The following GPATCH2 variants were observed in gnomAD, a reference collection of about 807,000 sequenced individuals.
The protein encoded by GPATCH2 is G patch domain-containing protein 2.
A neutral mutation model predicts 58.0 loss-of-function variants in GPATCH2; 51 were observed. The observed-to-expected ratio is 0.88, with a 90% CI of 0.70 to 1.11. GPATCH2 has a LOEUF of 1.11. Ranked by LOEUF, GPATCH2 falls within the 50% of genes most tolerant of loss-of-function variation. GPATCH2 has a pLI of 0.00. For missense variants in GPATCH2, 625 were observed against 652.2 expected (o/e 0.96, Z 0.45); for synonymous variants, 222 against 218.5 (o/e 1.02, Z -0.14).
At chr1:217,577,568 C>G (rs1243558257) in intron 5 of GPATCH2, among the ~76,000 whole-genome samples, 1 of 152,042 alleles carries the variant, frequency 6.6e-6, no homozygotes, top group African/African-American at 2.4e-5. Context: ...AAAATGTTAT[C>G]TCAATACATC....
intron 9 of GPATCH2, among the ~76,000 whole-genome samples, chr1:217,442,765 T>C (rs1014279506): frequency 4.6e-5 from 7 of 152,190 alleles, no homozygotes; most frequent in Non-Finnish European, 5.9e-5. Context: ...AAAAAGCATA[T>C]ACTGAGTTTT....
chr1:217,584,058 T>C (rs1278790484), intron 5 of GPATCH2, among the ~76,000 whole-genome samples: 3 of 151,858 alleles, frequency 2.0e-5, no homozygotes, highest in Non-Finnish European at 4.4e-5. Context: ...GACTGAAATA[T>C]AAGATGAAAG....
chr1:217,549,476 C>T (rs1253288422), intron 5 of GPATCH2, among the ~76,000 whole-genome samples: 1 of 152,046 alleles, frequency 6.6e-6, no homozygotes, highest in Non-Finnish European at 1.5e-5. Context: ...GATTAGTATC[C>T]CATGAGAAAA....
intron 5 of GPATCH2, chr1:217,608,930 G>A: frequency 3.1e-6 from 3 of 983,494 alleles, no homozygotes; most frequent in Non-Finnish European, 3.6e-6. Context: ...ACACATTCCT[G>A]TTTAATGCAT....
At chr1:217,557,998 AT>A (rs1052628682) in intron 5 of GPATCH2, among the ~76,000 whole-genome samples, 4 of 152,172 alleles carry the variant, frequency 2.6e-5, no homozygotes, top group African/African-American at 9.7e-5. Flanking sequence ...CAAACCATTA[AT>A]TTTTTTAACC....
chr1:217,479,291 G>T lies in GPATCH2; in HGVS notation c.1277+12389C>A, dbSNP rs1418434674. ...TACTCAAGTAGAAAGACTAAATGAT[G>T]AATGAATAAAAAATAATAACTACAA... On this transcript the variant is annotated intron_variant, in intron 8 of 9. Transcript: ENST00000366935. Among the ~76,000 whole-genome samples, 3 of 152,062 alleles carry T rather than the reference G, an allele frequency of 2.0e-5. No individual in the cohort carries two copies. The South Asian group carries it at 6.2e-4, about 31-fold the overall frequency.
intron 8 of GPATCH2, among the ~76,000 whole-genome samples, chr1:217,471,644 T>G (rs1660727101): frequency 6.6e-6 from 1 of 152,212 alleles, no homozygotes; most frequent in African/African-American, 2.4e-5. Flanking sequence ...TCTTTCTAAC[T>G]TGATGGAAGA....
intron 5 of GPATCH2, among the ~76,000 whole-genome samples, chr1:217,570,440 C>T (rs1266017916): frequency 3.3e-5 from 5 of 152,092 alleles, no homozygotes; most frequent in African/African-American, 7.2e-5. Context: ...AAGGGATATT[C>T]GTGTTTGTTC....
chr1:217,570,665 G>A (rs1414550468), intron 5 of GPATCH2, among the ~76,000 whole-genome samples: 1 of 152,120 alleles, frequency 6.6e-6, no homozygotes, highest in Non-Finnish European at 1.5e-5. Flanking sequence ...AAGCGATGGC[G>A]AGTGAAGGTA....
intron 5 of GPATCH2, among the ~76,000 whole-genome samples, chr1:217,534,374 A>AATTT (rs1664361659): frequency 6.6e-6 from 1 of 152,184 alleles, no homozygotes; most frequent in Non-Finnish European, 1.5e-5. Flanking sequence ...TCAAATCAGA[A>AATTT]ACACTAGACT....
intron 5 of GPATCH2, among the ~76,000 whole-genome samples, chr1:217,524,299 G>T (rs1260482110): frequency 0.016 from 1,972 of 123,636 alleles, no homozygotes; most frequent in African/African-American, 0.025. Context: ...TTCCTAGATG[G>T]GATGGCGGCT....
intron 5 of GPATCH2, among the ~76,000 whole-genome samples, chr1:217,521,035 G>C (rs990393929): frequency 6.6e-6 from 1 of 152,030 alleles, no homozygotes; most frequent in Non-Finnish European, 1.5e-5. Context: ...GTATAGAGCT[G>C]GGGTCCTGCT....
chr1:217,623,075 TG>T (rs1209264882), intron 1 of GPATCH2, among the ~76,000 whole-genome samples: 2 of 152,200 alleles, frequency 1.3e-5, no homozygotes, highest in Non-Finnish European at 2.9e-5. Flanking sequence ...AAAGACCTAT[TG>T]TCTCTGAATA....
intron 8 of GPATCH2, among the ~76,000 whole-genome samples, chr1:217,470,684 T>C (rs575553462): frequency 1.3e-5 from 2 of 152,158 alleles, no homozygotes; most frequent in Non-Finnish European, 2.9e-5. Context: ...TTTTATACAA[T>C]ACAATAATTT....
intron 5 of GPATCH2, among the ~76,000 whole-genome samples, chr1:217,568,338 A>G (rs902671746): frequency 2.0e-5 from 3 of 152,170 alleles, no homozygotes; most frequent in Non-Finnish European, 2.9e-5. Flanking sequence ...ACCGAGTACT[A>G]TGTGTCAGGC....
At chr1:217,590,269 G>A (rs552035707) in intron 5 of GPATCH2, among the ~76,000 whole-genome samples, 86 of 152,010 alleles carry the variant, frequency 5.7e-4, no homozygotes, top group Admixed American at 4.8e-3. Context: ...TGATCCACCC[G>A]CCTCAGCCTC....
At chr1:217,530,746 G>A (rs1664145967) in intron 5 of GPATCH2, among the ~76,000 whole-genome samples, 1 of 152,114 alleles carries the variant, frequency 6.6e-6, no homozygotes, top group South Asian at 2.1e-4. Flanking sequence ...AAAGCCTGTG[G>A]TACTTAGTCT....
intron 5 of GPATCH2, among the ~76,000 whole-genome samples, chr1:217,582,657 T>C (rs1469148736): frequency 6.6e-6 from 1 of 152,144 alleles, no homozygotes; most frequent in Non-Finnish European, 1.5e-5. Flanking sequence ...AATAAAAGTA[T>C]TGTGGTGCTA....
At chr1:217,487,523 T>A (rs891269365) in intron 8 of GPATCH2, among the ~76,000 whole-genome samples, 6 of 151,654 alleles carry the variant, frequency 4.0e-5, no homozygotes, top group Non-Finnish European at 8.8e-5. Context: ...CCTTCCGGGT[T>A]CAGGCGATTC....
Sources: gnomAD v4.1 joint callset for allele counts (sites outside exome capture counted in the v4.1 genomes callset) on GRCh38, gnomAD v4.1.1 for gene constraint, MANE v1.5 for transcripts, NCBI Gene and HGNC (gene_info 2026-07-23, HGNC 2026-07-21) for gene names.